CTDSPL: variants seen among roughly 807,000 people sequenced by gnomAD.
The protein encoded by CTDSPL is CTD small phosphatase like.
In CTDSPL, 8 loss-of-function variants were observed where a neutral mutation model predicts 30.5. The observed-to-expected ratio is 0.26, with a 90% CI of 0.15 to 0.47. The LOEUF is 0.47. Among genes scored for constraint, CTDSPL ranks in the 20% least tolerant of loss-of-function variants. The pLI is 0.99. For missense variants in CTDSPL, 248 were observed against 366.1 expected, an observed-to-expected ratio of 0.68 and a Z score of 2.63; for synonymous variants, 110 against 137.9, an observed-to-expected ratio of 0.80 and a Z score of 1.42.
intron 1 of CTDSPL, among the ~76,000 whole-genome samples, chr3:37,944,478 T>C (rs947244332): frequency 6.7e-6 from 1 of 150,128 alleles, no homozygotes; most frequent in East Asian, 2.0e-4. Context: ...GGGAGAGAAG[T>C]AGCAGCTGGG....
intron 1 of CTDSPL, among the ~76,000 whole-genome samples, chr3:37,901,219 T>TCAGG (rs1476295430): frequency 2.0e-5 from 3 of 152,328 alleles, no homozygotes; most frequent in African/African-American, 7.2e-5. Context: ...AGCCCCCATC[T>TCAGG]CAGGGCCTCT....
Position 37,952,464 on chromosome 3 carries a change from T to C in CTDSPL, c.235-4647T>C, listed in dbSNP as rs557663371. ...TCAAAGTCGCAAGCTTCAGATATTGTTTCCACATTTAAAGGAAGAAGATAG... is the reference window on the plus strand; with the variant it reads ...TCAAAGTCGCAAGCTTCAGATATTGCTTCCACATTTAAAGGAAGAAGATAG... On this transcript the variant is annotated intron_variant, in intron 2 of 7. Coordinates refer to ENST00000273179, the MANE Select transcript of CTDSPL (RefSeq NM_001008392.2). Among the ~76,000 whole-genome samples the C allele has an allele frequency of 3.9e-5, 6 of 152,346 alleles. No homozygotes were observed. The South Asian group carries it at 1.2e-3, about 32-fold the overall frequency.
intron 1 of CTDSPL, among the ~76,000 whole-genome samples, chr3:37,905,324 G>A (rs543443444): frequency 2.0e-5 from 3 of 152,190 alleles, no homozygotes; most frequent in African/African-American, 4.8e-5. Context: ...GTCAAATAAC[G>A]TTTTGATCTT....
chr3:37,867,290 C>CT (rs894157712), intron 1 of CTDSPL, among the ~76,000 whole-genome samples: 6 of 151,704 alleles, frequency 4.0e-5, no homozygotes, highest in African/African-American at 1.2e-4. Flanking sequence ...TTGTATTAAT[C>CT]TTTTTTTTTA....
intron 1 of CTDSPL, among the ~76,000 whole-genome samples, chr3:37,863,037 ATG>A (rs1697963190): frequency 6.6e-6 from 1 of 152,136 alleles, no homozygotes; most frequent in African/African-American, 2.4e-5. Flanking sequence ...CAATGAGGCC[ATG>A]TGTCTGGGTG....
chr3:37,884,722 A>G (rs1045638075), intron 1 of CTDSPL, among the ~76,000 whole-genome samples: 4 of 152,166 alleles, frequency 2.6e-5, no homozygotes, highest in Admixed American at 6.5e-5. Context: ...AAGGGACAGG[A>G]CAATATTTCT....
chr3:37,945,014 G>A (rs1272916265), intron 1 of CTDSPL, among the ~76,000 whole-genome samples: 4 of 150,226 alleles, frequency 2.7e-5, no homozygotes, highest in African/African-American at 9.7e-5. Flanking sequence ...GGGAAAGTTC[G>A]TGTGATCCAA....
In CTDSPL at chr3:37,969,282, C is replaced by G. The variant is rs879180226; in HGVS notation, c.426+1400C>G. 7.1e-5 allele frequency: 32 copies of G among 452,958 alleles called. 1 individual carries two copies. Among genetic ancestry groups the G allele is most frequent in the South Asian group, 4.7e-4 (29 of 62,106 alleles). The allele number at this position is 452,958 out of a possible 1,614,324, so 28.1% of individuals were successfully genotyped here. A position where few individuals can be genotyped will look rare whatever the true frequency, so the allele number is the denominator to read the frequency against. The stretch of plus-strand genomic sequence containing the variant: ...TGACCCATTCTTGCAGGAGCTCCCC[C>G]ACCCTCCATCCTGGCTGTGCTGTGA... On this transcript the variant is annotated intron_variant, in intron 5 of 7. Coordinates refer to ENST00000273179, the MANE Select transcript of CTDSPL (RefSeq NM_001008392.2).
chr3:37,927,133 C>T (rs1225486620), intron 1 of CTDSPL, among the ~76,000 whole-genome samples: 3 of 152,040 alleles, frequency 2.0e-5, no homozygotes, highest in Non-Finnish European at 4.4e-5. Context: ...CCACACCTGA[C>T]CTCATGATGG....
intron 1 of CTDSPL, among the ~76,000 whole-genome samples, chr3:37,877,289 C>A (rs1438337697): frequency 1.3e-5 from 2 of 152,194 alleles, no homozygotes; most frequent in Non-Finnish European, 2.9e-5. Context: ...CTGACAACCA[C>A]CATTCTGCTT....
intron 2 of CTDSPL, 84 bp from the exon 3 acceptor site, chr3:37,957,027 T>C: frequency 9.1e-7 from 1 of 1,093,816 alleles, no homozygotes; most frequent in Non-Finnish European, 1.4e-6. Flanking sequence ...GCAGCTGCTG[T>C]GCTCAAGAGG....
chr3:37,928,481 A>T (rs1408025412), intron 1 of CTDSPL, among the ~76,000 whole-genome samples: 2 of 152,182 alleles, frequency 1.3e-5, no homozygotes, highest in African/African-American at 4.8e-5. Flanking sequence ...CCTGATGGTC[A>T]GTGATGTCGT....
At chr3:37,865,855 G>T in intron 1 of CTDSPL, among the ~76,000 whole-genome samples, 1 of 152,048 alleles carries the variant, frequency 6.6e-6, no homozygotes, top group Non-Finnish European at 1.5e-5. Context: ...TGTTTAATTG[G>T]CCAGAACCAG....
In CTDSPL at chr3:37,947,167, A is replaced by G; in HGVS notation, c.190A>G (p.Ser64Gly). The change falls in exon 2 of 8, where the codon AGT becomes GGT. Residue 64 changes from serine (S) to glycine (G), a missense_variant. Ser to Gly is a moderately conservative substitution (Grantham distance 56). Coordinates refer to ENST00000273179, the MANE Select transcript of CTDSPL (RefSeq NM_001008392.2). The stretch of plus-strand genomic sequence containing the variant: ...GGAGGCCCCTCCACCCAGCAGCCCC[A>G]GTGTGCTTCCGCCACTGGTGGAGGA... ...NVEAPPPSSPSVLPPLVEENG... is the reference protein window; with the variant it reads ...NVEAPPPSSPGVLPPLVEENG... 2.5e-6 allele frequency: 4 copies of G among 1,612,668 alleles called. No homozygotes were observed. The highest frequency in any genetic ancestry group is 3.4e-6 in the Non-Finnish European group (4 of 1,179,952).
chr3:37,965,061 G>T (rs1699285445), intron 4 of CTDSPL, among the ~76,000 whole-genome samples: 1 of 152,190 alleles, frequency 6.6e-6, no homozygotes, highest in Non-Finnish European at 1.5e-5. Flanking sequence ...GTCTCTGTTG[G>T]AAACTGTCAA....
chr3:37,943,207 G>C lies in CTDSPL; in HGVS notation c.80-3850G>C, dbSNP rs1055102162. On this transcript the variant is annotated intron_variant, in intron 1 of 7. Transcript: ENST00000273179. ...TGAACTGGCCTGGCCCAAAGACACA[G>C]CTCAGTCAGACACACGTTCATTTGG... Among the ~76,000 whole-genome samples the C allele has an allele frequency of 4.7e-5, 7 of 150,314 alleles. No homozygotes were observed. In the South Asian group the frequency reaches 1.5e-3, roughly 32 times the overall value.
chr3:37,916,571 G>A (rs1353267740), intron 1 of CTDSPL, among the ~76,000 whole-genome samples: 2 of 152,140 alleles, frequency 1.3e-5, no homozygotes, highest in Non-Finnish European at 2.9e-5. Context: ...TAGAGGCAGA[G>A]ATTAGAGTGA....
intron 1 of CTDSPL, among the ~76,000 whole-genome samples, chr3:37,874,591 G>T (rs139710026): frequency 6.6e-6 from 1 of 152,156 alleles, no homozygotes; most frequent in Non-Finnish European, 1.5e-5. Flanking sequence ...TGAGCTGGGC[G>T]TGGTGGCACG....
chr3:37,918,089 GC>G (rs1377351191), intron 1 of CTDSPL, among the ~76,000 whole-genome samples: 1 of 152,186 alleles, frequency 6.6e-6, no homozygotes, highest in Non-Finnish European at 1.5e-5. Context: ...ACAGAAGGCT[GC>G]CCCAGGAGGG....
Sources: allele counts gnomAD v4.1 joint callset (sites outside exome capture counted in the v4.1 genomes callset), GRCh38; gene constraint gnomAD v4.1.1; transcripts MANE v1.5; gene names NCBI Gene and HGNC (gene_info 2026-07-23, HGNC 2026-07-21).